Variants in RAP1GAP2 observed in about 807,000 individuals in gnomAD.
The protein encoded by RAP1GAP2 is RAP1 GTPase activating protein 2.
A neutral mutation model predicts 95.0 loss-of-function variants in RAP1GAP2; 27 were observed. The ratio of observed to expected loss-of-function variants is 0.28; its 90% CI spans 0.21 to 0.39. RAP1GAP2 has a LOEUF of 0.39. RAP1GAP2 is among the 10% of genes least tolerant of loss of function. The pLI, the probability that RAP1GAP2 is intolerant of heterozygous loss-of-function variation, is 1.00. For missense variants in RAP1GAP2, 771 were observed against 970.0 expected (o/e 0.79, Z 2.72); for synonymous variants, 373 against 380.9 (o/e 0.98, Z 0.24).
intron 2 of RAP1GAP2, among the ~76,000 whole-genome samples, chr17:2,892,832 A>G (rs1350982122): frequency 6.6e-6 from 1 of 152,154 alleles, no homozygotes; most frequent in African/African-American, 2.4e-5. Context: ...ACACAAAGCC[A>G]TCAGCACCAA....
chr17:2,770,739 A>G (rs1197838153), intron 2 of RAP1GAP2, among the ~76,000 whole-genome samples: 1 of 152,118 alleles, frequency 6.6e-6, no homozygotes, highest in African/African-American at 2.4e-5. Context: ...GACTGCAGAG[A>G]TTTACAAAGC....
intron 3 of RAP1GAP2, among the ~76,000 whole-genome samples, chr17:2,923,133 G>A (rs2042844782): frequency 6.7e-6 from 1 of 149,722 alleles, no homozygotes; most frequent in Admixed American, 6.7e-5. Flanking sequence ...TCCACCTCCT[G>A]AGTTCAAGTG....
chr17:3,005,842 A>T lies in RAP1GAP2; in HGVS notation c.1273-113A>T. 2 of 1,002,498 alleles carry T rather than the reference A, an allele frequency of 2.0e-6. No individual in the cohort carries two copies. The highest frequency in any genetic ancestry group is 1.6e-6 in the Non-Finnish European group (1 of 629,534). The allele number at this position is 1,002,498 out of a possible 1,614,324, so 62.1% of individuals were successfully genotyped here. On this transcript the variant is annotated intron_variant, in intron 15 of 24. Transcript: ENST00000254695. The surrounding 1 kb of genome is among the most constrained non-coding windows in gnomAD (Gnocchi z 5.2). The stretch of plus-strand genomic sequence containing the variant: ...TAGAAATGATCCGCTGTCGGAAGGG[A>T]CTTTTCAGGGGTTCTCCCCATGGCC...
At chr17:2,792,540 G>GC (rs1183383019), upstream of RAP1GAP2, among the ~76,000 whole-genome samples, 1 of 152,224 alleles carries the variant, frequency 6.6e-6, no homozygotes, top group Non-Finnish European at 1.5e-5. Flanking sequence ...TGGGCCATGA[G>GC]CCGTCTGGGA....
rs16952452 is a variant in RAP1GAP2, at chr17:2,825,749, A to C, written c.80+25199A>C. ...TGACTGCAGCTGTTACTGAAGACAG[A>C]GCGTTTAGGTGTGAAGAGGGTCTGG... On this transcript the variant is annotated intron_variant, in intron 2 of 24. Coordinates refer to ENST00000254695, the MANE Select transcript of RAP1GAP2 (RefSeq NM_015085.5). The surrounding 1 kb of genome is among the most constrained non-coding windows in gnomAD (Gnocchi z 4.1). Among the ~76,000 whole-genome samples the C allele has an allele frequency of 4.1e-3, 620 of 152,174 alleles. 5 individuals are homozygous for C. Among genetic ancestry groups the C allele is most frequent in the African/African-American group, 0.014 (587 of 41,538 alleles).
intron 1 of RAP1GAP2, among the ~76,000 whole-genome samples, chr17:2,779,291 A>G (rs991407529): frequency 2.6e-5 from 4 of 152,200 alleles, no homozygotes; most frequent in African/African-American, 9.6e-5. Context: ...GCATTTATTG[A>G]ATTTTTGAAC....
intron 2 of RAP1GAP2, among the ~76,000 whole-genome samples, chr17:2,836,790 G>A (rs528271197): frequency 6.6e-4 from 101 of 152,288 alleles, no homozygotes; most frequent in Non-Finnish European, 1.2e-3. Flanking sequence ...CTCCCCACAT[G>A]TTATAAGGCA....
chr17:2,796,077 C>T (rs1270760397), upstream of RAP1GAP2, among the ~76,000 whole-genome samples: 3 of 152,094 alleles, frequency 2.0e-5, no homozygotes, highest in Admixed American at 6.5e-5. This position sits in a 1 kb window ranked among gnomAD's most constrained non-coding sequence, Gnocchi z 4.7. Flanking sequence ...AGGCAGCCCT[C>T]GGGAGTGGGT....
chr17:3,034,962 G>A lies in RAP1GAP2; in HGVS notation c.*1601G>A, dbSNP rs1273244606. ...CATAGGGATCTGGACCTGTGCCCAA[G>A]ATATAAATACTACACTTTTTTTTTT... is the stretch of plus-strand genomic sequence containing the variant. On this transcript the variant is annotated 3_prime_UTR_variant, in exon 25 of 25. Transcript: ENST00000254695. This position sits in a 1 kb window ranked among gnomAD's most constrained non-coding sequence, Gnocchi z 5.1. The A allele has an allele frequency of 6.7e-6, 1 of 149,154 alleles. No homozygotes were observed. Among genetic ancestry groups the A allele is most frequent in the African/African-American group, 2.5e-5 (1 of 39,854 alleles). The allele number at this position is 149,154 out of a possible 1,614,324, so 9.2% of individuals were successfully genotyped here. A position where few individuals can be genotyped will look rare whatever the true frequency, so the allele number is the denominator to read the frequency against.
Position 2,779,925 on chromosome 17 carries a change from T to TA in RAP1GAP2, c.-14+2649dup, listed in dbSNP as rs1721060570. Among the ~76,000 whole-genome samples the TA allele has an allele frequency of 2.0e-5, 3 of 150,626 alleles. No individual in the cohort carries two copies. In the South Asian group the frequency reaches 6.3e-4, roughly 32 times the overall value. ...GGATTCACAGCGTCTGGGGTGGTGGTAACCAAATGGGAGGGGGATGAGGTG... is the reference window on the plus strand; with the variant it reads ...GGATTCACAGCGTCTGGGGTGGTGGTAAACCAAATGGGAGGGGGATGAGGTG... On this transcript the variant is annotated intron_variant, in intron 1 of 24. Transcript: ENST00000540393.
At chr17:2,775,719 C>G (rs1471742103), upstream of RAP1GAP2, among the ~76,000 whole-genome samples, 1 of 152,168 alleles carries the variant, frequency 6.6e-6, no homozygotes, top group Non-Finnish European at 1.5e-5. Flanking sequence ...GAGAGAACTT[C>G]CCATCACTAA....
In RAP1GAP2 at chr17:2,855,841, T is replaced by A. The variant is rs1352658472; in HGVS notation, c.81-49443T>A. On this transcript the variant is annotated intron_variant, in intron 2 of 24. Coordinates refer to ENST00000254695, the MANE Select transcript of RAP1GAP2 (RefSeq NM_015085.5). The surrounding 1 kb of genome is among the most constrained non-coding windows in gnomAD (Gnocchi z 4.3). ...GTTGCCCAGGGTGGTCTCAAACTCC[T>A]GAGCTCAGGCGATCCACCTGCCTCG... Among the ~76,000 whole-genome samples the A allele has an allele frequency of 6.6e-6, 1 of 152,196 alleles. No individual in the cohort carries two copies. The highest frequency in any genetic ancestry group is 1.5e-5 in the Non-Finnish European group (1 of 68,038).
intron 1 of RAP1GAP2, among the ~76,000 whole-genome samples, chr17:2,799,635 G>C (rs1312656715): frequency 6.6e-6 from 1 of 152,180 alleles, no homozygotes; most frequent in Non-Finnish European, 1.5e-5. Flanking sequence ...GTGGTGACAT[G>C]GACAGTGATG....
At chr17:2,798,896 C>T (rs1329814154) in intron 1 of RAP1GAP2, among the ~76,000 whole-genome samples, 7 of 152,150 alleles carry the variant, frequency 4.6e-5, no homozygotes, top group Non-Finnish European at 8.8e-5. Flanking sequence ...GACCCGACAG[C>T]GGTCAGAGGT....
In RAP1GAP2 at chr17:2,871,792, C is replaced by T. The variant is rs9894497; in HGVS notation, c.81-33492C>T. ...TGTCAGATGTGCATCTTTCCACACA[C>T]GTGGAATGACGTAGAATGAGGTCAT... On this transcript the variant is annotated intron_variant, in intron 2 of 24. Transcript: ENST00000254695. This position sits in a 1 kb window ranked among gnomAD's most constrained non-coding sequence, Gnocchi z 5.0. Among the ~76,000 whole-genome samples the T allele has an allele frequency of 6.6e-5, 10 of 151,710 alleles. No homozygotes were observed. The highest frequency in any genetic ancestry group is 2.4e-4 in the African/African-American group (10 of 41,518).
chr17:2,927,606 C>T (rs565026018), intron 3 of RAP1GAP2, among the ~76,000 whole-genome samples: 9 of 152,350 alleles, frequency 5.9e-5, no homozygotes, highest in South Asian at 2.1e-4. Flanking sequence ...ACAACCTGAA[C>T]TCCCCCTTGC....
intron 3 of RAP1GAP2, among the ~76,000 whole-genome samples, chr17:2,931,170 T>G (rs1047895765): frequency 2.7e-5 from 4 of 145,636 alleles, no homozygotes; most frequent in Non-Finnish European, 6.0e-5. Context: ...CAACAGATGA[T>G]AACTGTTTAT....
At chr17:3,017,965 G>A (rs2046830475) in intron 17 of RAP1GAP2, 96 bp from the exon 18 acceptor site, 6 of 1,233,634 alleles carry the variant, frequency 4.9e-6, no homozygotes, top group South Asian at 1.5e-5. Context: ...GCACGCATAC[G>A]TGTGCTGAGG....
chr17:2,908,764 G>T (rs1472228430), intron 3 of RAP1GAP2, among the ~76,000 whole-genome samples: 1 of 152,032 alleles, frequency 6.6e-6, no homozygotes, highest in East Asian at 1.9e-4. Context: ...ACTCAGCCTG[G>T]AGGATAGTGG....
Sources: gnomAD v4.1 joint callset for allele counts (sites outside exome capture counted in the v4.1 genomes callset) on GRCh38, gnomAD v4.1.1 for gene constraint, Gnocchi (gnomAD v3.1) non-coding constraint, MANE v1.5 for transcripts, NCBI Gene and HGNC (gene_info 2026-07-23, HGNC 2026-07-21) for gene names.